CLCN3: variants seen among roughly 807,000 people sequenced by gnomAD.
CLCN3 encodes H(+)/Cl(-) exchange transporter 3.
CLCN3 carries 16 observed loss-of-function variants against 83.4 expected under a neutral mutation model. That is an observed-to-expected ratio of 0.19 (90% CI 0.13 to 0.29). The LOEUF (loss-of-function observed/expected upper bound fraction) is 0.29, where lower values mean the gene tolerates loss of function less well. Among genes scored for constraint, CLCN3 ranks in the 10% least tolerant of loss-of-function variants. CLCN3 has a pLI of 1.00. For synonymous variants in CLCN3, 322 were observed against 346.2 expected, an observed-to-expected ratio of 0.93 and a Z score of 0.78; for missense variants, 544 against 1,006.0, an observed-to-expected ratio of 0.54 and a Z score of 6.21.
At chr4:169,705,069 G>A (rs1732938589) in intron 10 of CLCN3, among the ~76,000 whole-genome samples, 2 of 152,150 alleles carry the variant, frequency 1.3e-5, no homozygotes, top group South Asian at 4.1e-4. Context: ...CAATAGTGAG[G>A]AATACTAACA....
chr4:169,624,504 T>G (rs959579021), intron 1 of CLCN3, among the ~76,000 whole-genome samples: 2 of 151,896 alleles, frequency 1.3e-5, no homozygotes, highest in Admixed American at 1.3e-4. Context: ...CCTGACCTCA[T>G]GTGATCTGCC....
In CLCN3 at chr4:169,697,653, T is replaced by C. The variant is rs1732617709; in HGVS notation, c.1482T>C (p.Ile494=). The C allele has an allele frequency of 6.2e-7, 1 of 1,613,736 alleles. No homozygotes were observed. The highest frequency in any genetic ancestry group is 8.5e-7 in the Non-Finnish European group (1 of 1,179,782). ...VDDIPDRPAG[I]GVYSAIWQLC... is the part of the protein sequence containing the mutation. ...ACATTCCTGATCGTCCAGCAGGCAT[T>C]GGAGTATATTCAGCTATATGGCAGT... Residue 494 remains isoleucine (I), a synonymous_variant, in exon 9 of 13, where the codon ATT becomes ATC. Coordinates refer to ENST00000513761, the MANE Select transcript of CLCN3 (RefSeq NM_001829.4).
In CLCN3 at chr4:169,704,246, T is replaced by A. The variant is rs564018320; in HGVS notation, c.1750+62T>A. ...CAAGTCTGAGAGAGCCAAGAGAAAGTGGGACACATTCTTGCTTAATTGGTG... is the reference window on the plus strand; with the variant it reads ...CAAGTCTGAGAGAGCCAAGAGAAAGAGGGACACATTCTTGCTTAATTGGTG... On this transcript the variant is annotated intron_variant, in intron 10 of 12. Coordinates refer to ENST00000513761, the MANE Select transcript of CLCN3 (RefSeq NM_001829.4). 161 of 1,493,206 alleles carry A rather than the reference T, an allele frequency of 1.1e-4. No homozygotes were observed. The South Asian group carries it at 1.9e-3, about 17-fold the overall frequency. 92.5% of individuals were successfully genotyped at this position (1,493,206 alleles called of 1,614,324 possible).
chr4:169,706,996 G>C lies in CLCN3; in HGVS notation c.1879G>C (p.Glu627Gln). 1 of 1,614,156 alleles carries C rather than the reference G, an allele frequency of 6.2e-7. No individual in the cohort carries two copies. The highest frequency in any genetic ancestry group is 1.1e-5 in the South Asian group (1 of 91,082). The change falls in exon 11 of 13, where the codon GAA becomes CAA. Residue 627 changes from glutamate to glutamine, a missense_variant. Coordinates refer to ENST00000513761, the MANE Select transcript of CLCN3 (RefSeq NM_001829.4). ...ATGGGTTGGAGATGCCTTTGGCAGG[G>C]AAGGCATTTATGAAGCACACATCCG... ...SKWVGDAFGREGIYEAHIRLN... is the reference protein window; with the variant it reads ...SKWVGDAFGRQGIYEAHIRLN...
intron 2 of CLCN3, among the ~76,000 whole-genome samples, chr4:169,646,623 A>T (rs568200826): frequency 6.6e-6 from 1 of 152,318 alleles, no homozygotes; most frequent in South Asian, 2.1e-4. Context: ...TAATACAGTT[A>T]TATAAAGTTT....
intron 3 of CLCN3, among the ~76,000 whole-genome samples, chr4:169,682,312 C>G (rs1468045141): frequency 6.6e-6 from 1 of 152,194 alleles, no homozygotes; most frequent in African/African-American, 2.4e-5. Flanking sequence ...ATCATCCTCA[C>G]AGTGATAGAT....
chr4:169,716,649 T>C (rs1733432827), intron 12 of CLCN3, among the ~76,000 whole-genome samples: 2 of 152,132 alleles, frequency 1.3e-5, no homozygotes, highest in Non-Finnish European at 2.9e-5. Context: ...CTTTTAAGGA[T>C]CGATACATTA....
intron 3 of CLCN3, among the ~76,000 whole-genome samples, chr4:169,683,230 GC>G (rs1388708328): frequency 6.6e-6 from 1 of 152,210 alleles, no homozygotes; most frequent in African/African-American, 2.4e-5. Flanking sequence ...GGTCATAGTG[GC>G]TCATGCCTGT....
intron 1 of CLCN3, among the ~76,000 whole-genome samples, chr4:169,623,942 G>T (rs769614292): frequency 6.6e-6 from 1 of 151,414 alleles, no homozygotes; most frequent in Middle Eastern, 3.4e-3. Flanking sequence ...CTCTAATATC[G>T]ACCTTAAATG....
chr4:169,701,901 C>G (rs1732798454), intron 9 of CLCN3, among the ~76,000 whole-genome samples: 1 of 152,110 alleles, frequency 6.6e-6, no homozygotes, highest in South Asian at 2.1e-4. Context: ...CAGTGGCCTG[C>G]TAGCACTTGG....
chr4:169,637,321 A>G (rs1730243719), intron 2 of CLCN3, among the ~76,000 whole-genome samples: 2 of 151,988 alleles, frequency 1.3e-5, no homozygotes, highest in African/African-American at 4.8e-5. Flanking sequence ...TCTTTTGGTG[A>G]AGATATCATC....
At chr4:169,631,381 G>T (rs1277154674) in intron 1 of CLCN3, among the ~76,000 whole-genome samples, 1 of 152,120 alleles carries the variant, frequency 6.6e-6, no homozygotes, top group East Asian at 1.9e-4. Flanking sequence ...CCGCCTCCTG[G>T]TTTCACGCCA....
At chr4:169,683,687 T>C (rs553286682) in intron 3 of CLCN3, among the ~76,000 whole-genome samples, 3 of 152,212 alleles carry the variant, frequency 2.0e-5, no homozygotes, top group Admixed American at 6.5e-5. Flanking sequence ...ATGAACAAGA[T>C]TTTTTAAAGC....
At chr4:169,718,068 C>G (rs1254581924) in intron 12 of CLCN3, among the ~76,000 whole-genome samples, 1 of 152,074 alleles carries the variant, frequency 6.6e-6, no homozygotes, top group African/African-American at 2.4e-5. Context: ...AGAAAGTAAG[C>G]AAAAGTTAAC....
intron 2 of CLCN3, 100 bp downstream of exon 2, chr4:169,636,188 A>C: frequency 1.9e-6 from 2 of 1,059,594 alleles, no homozygotes; most frequent in Non-Finnish European, 2.7e-6. Flanking sequence ...AACTTTAAAA[A>C]TTTGAGATCA....
At chr4:169,656,695 C>T (rs1398909202) in intron 2 of CLCN3, among the ~76,000 whole-genome samples, 1 of 152,108 alleles carries the variant, frequency 6.6e-6, no homozygotes, top group Non-Finnish European at 1.5e-5. Context: ...TATAAGCATT[C>T]TTTTAAAAAT....
At chr4:169,648,695 A>G (rs979391540) in intron 2 of CLCN3, among the ~76,000 whole-genome samples, 5 of 152,204 alleles carry the variant, frequency 3.3e-5, no homozygotes, top group African/African-American at 1.2e-4. Context: ...AATCTCACAA[A>G]AAAAGTTACA....
At chr4:169,694,973 GGA>G (rs1402171309) in intron 7 of CLCN3, among the ~76,000 whole-genome samples, 1 of 152,194 alleles carries the variant, frequency 6.6e-6, no homozygotes, top group African/African-American at 2.4e-5. Context: ...CTGGGGAGCT[GGA>G]GAGAGGACAC....
chr4:169,685,740 A>C (rs1390194585), intron 3 of CLCN3, among the ~76,000 whole-genome samples: 2 of 152,198 alleles, frequency 1.3e-5, no homozygotes, highest in African/African-American at 4.8e-5. Context: ...CAGTTATATA[A>C]AGAAAACAGC....
Sources: gnomAD v4.1 joint callset for allele counts (sites outside exome capture counted in the v4.1 genomes callset) on GRCh38, gnomAD v4.1.1 for gene constraint, MANE v1.5 for transcripts, NCBI Gene and HGNC (gene_info 2026-07-23, HGNC 2026-07-21) for gene names.